The following RAD51B variants were observed in gnomAD, a reference collection of about 807,000 sequenced individuals.
RAD51B encodes the protein RAD51 paralog B, also known as DNA repair protein RAD51 homolog 2.
Under a neutral mutation model 42.2 loss-of-function variants are expected in RAD51B, and 38 were observed. The ratio of observed to expected loss-of-function variants is 0.90; its 90% CI spans 0.70 to 1.18. The LOEUF (loss-of-function observed/expected upper bound fraction) is 1.18. RAD51B is among the 50% of genes most tolerant of loss of function. The pLI is 0.00. For missense variants in RAD51B, 373 were observed against 400.7 expected, an observed-to-expected ratio of 0.93 and a Z score of 0.59; for synonymous variants, 154 against 145.2, an observed-to-expected ratio of 1.06 and a Z score of -0.43.
chr14:68,652,316 C>T (rs545826415), intron 11 of RAD51B, among the ~76,000 whole-genome samples: 7 of 152,340 alleles, frequency 4.6e-5, no homozygotes, highest in African/African-American at 1.4e-4. Context: ...TCTCCTTGCT[C>T]GCCCTTGTTT....
At chr14:67,827,983 G>A (rs2040891078) in intron 3 of RAD51B, among the ~76,000 whole-genome samples, 1 of 152,110 alleles carries the variant, frequency 6.6e-6, no homozygotes. Flanking sequence ...AGAATGATTT[G>A]TATTCCTTTG....
intron 8 of RAD51B, among the ~76,000 whole-genome samples, chr14:68,307,012 T>A: frequency 1.2e-5 from 1 of 86,364 alleles, no homozygotes; most frequent in East Asian, 2.6e-4. Flanking sequence ...TATTGATTTT[T>A]TTTTTTTTTC....
At chr14:67,835,555 T>C (rs2041210976) in intron 4 of RAD51B, among the ~76,000 whole-genome samples, 4 of 145,220 alleles carry the variant, frequency 2.8e-5, no homozygotes, top group Admixed American at 2.7e-4. Flanking sequence ...ACGTCACATA[T>C]ATGTAATATA....
chr14:67,989,085 A>G (rs993701625), intron 7 of RAD51B, among the ~76,000 whole-genome samples: 4 of 152,214 alleles, frequency 2.6e-5, no homozygotes, highest in African/African-American at 9.6e-5. Context: ...ATAGAATTCT[A>G]TGTGGTGGTT....
chr14:68,581,499 G>T (rs1031035801), intron 10 of RAD51B, among the ~76,000 whole-genome samples: 2 of 152,106 alleles, frequency 1.3e-5, no homozygotes, highest in East Asian at 3.9e-4. Context: ...AAGTCAAGGA[G>T]CATCTGTACA....
chr14:68,625,183 G>C (rs1892048630), intron 10 of RAD51B, among the ~76,000 whole-genome samples: 1 of 152,202 alleles, frequency 6.6e-6, no homozygotes, highest in South Asian at 2.1e-4. Flanking sequence ...GGAAGACTGG[G>C]ATATAATGAG....
At chr14:68,320,287 G>T (rs1378768086) in intron 8 of RAD51B, among the ~76,000 whole-genome samples, 1 of 152,174 alleles carries the variant, frequency 6.6e-6, no homozygotes. Flanking sequence ...TGTTAACTTT[G>T]GATGCCTCCT....
intron 10 of RAD51B, among the ~76,000 whole-genome samples, chr14:68,545,933 T>G (rs1482410007): frequency 6.6e-6 from 1 of 152,220 alleles, no homozygotes; most frequent in Admixed American, 6.5e-5. Flanking sequence ...CACAGATACC[T>G]GCCCCACCCC....
chr14:68,310,172 G>A (rs1298645153), intron 8 of RAD51B, among the ~76,000 whole-genome samples: 1 of 152,156 alleles, frequency 6.6e-6, no homozygotes, highest in African/African-American at 2.4e-5. Context: ...AGACTGGAGA[G>A]CCTTATGAGG....
chr14:68,329,138 A>G (rs968175855), intron 8 of RAD51B, among the ~76,000 whole-genome samples: 1 of 152,154 alleles, frequency 6.6e-6, no homozygotes, highest in African/African-American at 2.4e-5. Flanking sequence ...CTTCCCAAGT[A>G]GCTAAGACAA....
intron 10 of RAD51B, among the ~76,000 whole-genome samples, chr14:68,549,540 C>T (rs534374143): frequency 0.01 from 1,495 of 149,188 alleles, 13 homozygotes; most frequent in African/African-American, 0.026. Flanking sequence ...CTCAGCCTCC[C>T]GTGTAGCTGG....
intron 11 of RAD51B, among the ~76,000 whole-genome samples, chr14:68,652,807 A>T (rs1457179070): frequency 6.6e-6 from 1 of 152,220 alleles, no homozygotes; most frequent in Admixed American, 6.5e-5. Context: ...ACCATCTCCA[A>T]GTTGGCCATA....
intron 10 of RAD51B, among the ~76,000 whole-genome samples, chr14:68,629,067 C>T (rs1337040083): frequency 6.6e-6 from 1 of 152,156 alleles, no homozygotes; most frequent in Non-Finnish European, 1.5e-5. Flanking sequence ...CCCCTGGCTT[C>T]CTGCAGCCAC....
At chr14:68,165,910 G>A (rs2078739230) in intron 7 of RAD51B, among the ~76,000 whole-genome samples, 1 of 152,178 alleles carries the variant, frequency 6.6e-6, no homozygotes, top group Admixed American at 6.5e-5. Context: ...TAGCTGAAAG[G>A]CTTTAGAGAA....
At chr14:68,049,572 T>C (rs2076359967) in intron 7 of RAD51B, among the ~76,000 whole-genome samples, 1 of 152,146 alleles carries the variant, frequency 6.6e-6, no homozygotes, top group Non-Finnish European at 1.5e-5. Flanking sequence ...TTTCTCCGAG[T>C]TGCTCGTCAC....
At chr14:68,129,338 C>A (rs1010613719) in intron 7 of RAD51B, among the ~76,000 whole-genome samples, 1 of 152,128 alleles carries the variant, frequency 6.6e-6, no homozygotes, top group East Asian at 1.9e-4. Context: ...TTTGGGGTGA[C>A]AACACAGCTA....
intron 7 of RAD51B, among the ~76,000 whole-genome samples, chr14:68,015,235 A>G (rs565756549): frequency 2.2e-4 from 33 of 152,318 alleles, no homozygotes; most frequent in Admixed American, 3.3e-4. Context: ...GTGCGCTCCT[A>G]TTCATTAAAT....
intron 10 of RAD51B, among the ~76,000 whole-genome samples, chr14:68,571,873 C>T (rs189451053): frequency 1.3e-3 from 197 of 151,982 alleles, no homozygotes; most frequent in Admixed American, 1.9e-3. Context: ...CAGATAATCA[C>T]GTTTGTTAAA....
intron 7 of RAD51B, among the ~76,000 whole-genome samples, chr14:67,976,542 T>C (rs2140262261): frequency 6.6e-6 from 1 of 152,270 alleles, no homozygotes; most frequent in East Asian, 1.9e-4. Context: ...ACATGTGCCA[T>C]GTTGGTGTGC....
Sources: allele counts gnomAD v4.1 joint callset (sites outside exome capture counted in the v4.1 genomes callset), GRCh38; gene constraint gnomAD v4.1.1; transcripts MANE v1.5; gene names NCBI Gene and HGNC (gene_info 2026-07-23, HGNC 2026-07-21).